Variants in MICAL3 observed in about 807,000 individuals in gnomAD.
MICAL3 encodes [F-actin]-monooxygenase MICAL3.
In MICAL3, 62 loss-of-function variants were observed where a neutral mutation model predicts 207.4. The observed-to-expected ratio is 0.30, with a 90% CI of 0.24 to 0.37. The LOEUF (loss-of-function observed/expected upper bound fraction) is 0.37, where lower values mean the gene tolerates loss of function less well. MICAL3 is among the 10% of genes least tolerant of loss of function. MICAL3 has a pLI of 1.00. For synonymous variants in MICAL3, 1,077 were observed against 1,069.3 expected (o/e 1.01, Z -0.14); for missense variants, 2,368 against 2,635.6 (o/e 0.90, Z 2.22).
At chr22:17,997,477 G>C (rs1341051048) in intron 1 of MICAL3, among the ~76,000 whole-genome samples, 2 of 152,154 alleles carry the variant, frequency 1.3e-5, no homozygotes, top group East Asian at 3.8e-4. Context: ...TTCTAGCAAA[G>C]GAAAAGACCA....
chr22:17,976,878 C>T (rs1250155609), intron 1 of MICAL3, among the ~76,000 whole-genome samples: 2 of 150,292 alleles, frequency 1.3e-5, no homozygotes, highest in Non-Finnish European at 3.0e-5. Context: ...GTGATCTCGG[C>T]TCACTGCAAG....
At position 17,822,178 on chromosome 22, in the gene MICAL3, A is replaced by G; in HGVS notation, c.3308-8T>C. 6.2e-7 allele frequency: 1 copy of G among 1,612,930 alleles called. No homozygotes were observed. The highest frequency in any genetic ancestry group is 8.5e-7 in the Non-Finnish European group (1 of 1,179,592). On this transcript the variant is annotated splice_region_variant and splice_polypyrimidine_tract_variant and intron_variant, in intron 23 of 31. Transcript: ENST00000441493. Reference sequence around the variant, plus strand: ...TGTCAGACCAGTGCTGATCTGGCAGAGGGAAGGGGCAGAAGTGGGTGCACA... The same window carrying G: ...TGTCAGACCAGTGCTGATCTGGCAGGGGGAAGGGGCAGAAGTGGGTGCACA...
chr22:17,860,755 T>C, intron 19 of MICAL3: 1 of 985,314 alleles, frequency 1.0e-6, no homozygotes, highest in Non-Finnish European at 1.2e-6. Context: ...GGGGGTGTGC[T>C]GCCCATTTTC....
intron 17 of MICAL3, among the ~76,000 whole-genome samples, chr22:17,868,023 G>C (rs988557560): frequency 6.6e-6 from 1 of 152,154 alleles, no homozygotes; most frequent in African/African-American, 2.4e-5. Context: ...TTACATTTCA[G>C]AAACAAGTCC....
At chr22:17,884,218 G>T in intron 16 of MICAL3, 1 of 1,237,920 alleles carries the variant, frequency 8.1e-7, no homozygotes, top group South Asian at 1.4e-5. Context: ...GGCTCAGGAG[G>T]AGGGGTAGGA....
intron 16 of MICAL3, among the ~76,000 whole-genome samples, chr22:17,877,463 GA>G (rs1928883173): frequency 2.4e-5 from 2 of 83,040 alleles, no homozygotes; most frequent in African/African-American, 5.3e-5. Flanking sequence ...AGGTTAGGGA[GA>G]TTATGGAGGT....
At chr22:18,018,608 G>A (rs1310769823) in intron 1 of MICAL3, among the ~76,000 whole-genome samples, 1 of 152,112 alleles carries the variant, frequency 6.6e-6, no homozygotes, top group African/African-American at 2.4e-5. Flanking sequence ...TGTGGTCCCA[G>A]CTACTTGGGA....
chr22:17,824,201 C>T (rs1400980521), intron 22 of MICAL3, among the ~76,000 whole-genome samples: 2 of 152,128 alleles, frequency 1.3e-5, no homozygotes, highest in South Asian at 2.1e-4. Context: ...GACCACTGGC[C>T]GGGGGCCTGC....
chr22:17,826,736 C>T (rs1922229687), intron 22 of MICAL3, among the ~76,000 whole-genome samples: 1 of 152,202 alleles, frequency 6.6e-6, no homozygotes, highest in Non-Finnish European at 1.5e-5. Context: ...GGTAGGGCCA[C>T]CGCCGGCCCA....
chr22:17,825,714 A>C (rs1024514549), intron 22 of MICAL3, among the ~76,000 whole-genome samples: 2 of 152,110 alleles, frequency 1.3e-5, no homozygotes, highest in Non-Finnish European at 2.9e-5. Context: ...CAACTCGTGG[A>C]GGGATTTTTG....
At chr22:17,972,732 A>AT (rs1210240216) in intron 1 of MICAL3, among the ~76,000 whole-genome samples, 1 of 152,204 alleles carries the variant, frequency 6.6e-6, no homozygotes, top group Non-Finnish European at 1.5e-5. Flanking sequence ...ATTCACTGGG[A>AT]TAAAAAATTA....
At chr22:17,842,254 C>CT in intron 19 of MICAL3, 1 of 566,414 alleles carries the variant, frequency 1.8e-6, no homozygotes, top group East Asian at 2.8e-5. Context: ...GTTCTCTCTC[C>CT]TTCATCACCC....
At chr22:17,871,269 TG>T (rs1311122601) in intron 17 of MICAL3, among the ~76,000 whole-genome samples, 4 of 152,208 alleles carry the variant, frequency 2.6e-5, no homozygotes, top group African/African-American at 9.6e-5. Flanking sequence ...CAGCACATGT[TG>T]CCAAAGACCA....
intron 11 of MICAL3, among the ~76,000 whole-genome samples, chr22:17,893,370 G>A (rs1423208579): frequency 6.6e-6 from 1 of 152,136 alleles, no homozygotes; most frequent in Admixed American, 6.5e-5. Context: ...AAAATCTGGA[G>A]TGGTCCTCAC....
At chr22:17,924,196 A>C (rs1932861924) in intron 1 of MICAL3, among the ~76,000 whole-genome samples, 1 of 152,130 alleles carries the variant, frequency 6.6e-6, no homozygotes. Context: ...ACACAGCCAA[A>C]CCATATCACC....
chr22:17,790,746 G>A lies in MICAL3; in HGVS notation c.5995C>T (p.Leu1999Phe). The A allele has an allele frequency of 6.2e-7, 1 of 1,603,564 alleles. No homozygotes were observed. Among genetic ancestry groups the A allele is most frequent in the Middle Eastern group, 1.7e-4 (1 of 6,050 alleles). The change falls in exon 32 of 32, where the codon CTT becomes TTT. Residue 1999 changes from leucine to phenylalanine, a missense_variant. By Grantham distance (22) the Leu-to-Phe change is conservative. Around this residue, in one of 4 missense-constraint regions of MICAL3, gnomAD observed 1,770 missense variants for 1,863.2 expected, o/e 0.95. Transcript: ENST00000441493. ...TGGGTGGGAGCTCAGGACCAGTTAA[G>A]GCTGAAGCCCTTGGACAGCATGGCA... The part of the protein sequence containing the change: ...EAAMLSKGFS[L>F]NWS
At position 17,818,892 on chromosome 22, in the gene MICAL3, G is replaced by A; in HGVS notation, c.3769C>T (p.Pro1257Ser). 2 of 1,557,522 alleles carry A rather than the reference G, an allele frequency of 1.3e-6. No homozygotes were observed. Among genetic ancestry groups the A allele is most frequent in the South Asian group, 1.2e-5 (1 of 81,974 alleles). Residue 1257 changes from proline to serine, a missense_variant, in exon 26 of 32, where the codon CCA (proline) becomes TCA (serine). Coordinates refer to ENST00000441493, the MANE Select transcript of MICAL3 (RefSeq NM_015241.3). Reference sequence around the variant, plus strand: ...TGGGGCTGGGAGCAGATGGGGAGTGGGCTGGGTGGGGGCGTGGAGGCCGCC... The same window carrying A: ...TGGGGCTGGGAGCAGATGGGGAGTGAGCTGGGTGGGGGCGTGGAGGCCGCC... ...PVAASTPPPS[P>S]LPICSQPQPS... is the part of the protein sequence containing the mutation.
chr22:17,832,167 G>A (rs1922874467), intron 20 of MICAL3, 60 bp from the exon 21 acceptor site: 5 of 1,532,994 alleles, frequency 3.3e-6, no homozygotes, highest in Non-Finnish European at 4.4e-6. Context: ...AGAAGGGGAA[G>A]GGGAAGGGCC....
intron 29 of MICAL3, among the ~76,000 whole-genome samples, chr22:17,808,608 C>T (rs1034790215): frequency 3.3e-5 from 5 of 152,322 alleles, no homozygotes; most frequent in Middle Eastern, 3.4e-3. Context: ...GACTGAGTTT[C>T]ACTCTATGGG....
Sources: gnomAD v4.1 joint callset for allele counts (sites outside exome capture counted in the v4.1 genomes callset) on GRCh38, gnomAD v4.1.1 for gene constraint, gnomAD v4.1.1 regional missense constraint, MANE v1.5 for transcripts, NCBI Gene and HGNC (gene_info 2026-07-23, HGNC 2026-07-21) for gene names.